Variants in TRIM5 observed in about 807,000 individuals in gnomAD.
The protein encoded by TRIM5 is tripartite motif containing 5.
In TRIM5, 31 loss-of-function variants were observed where a neutral mutation model predicts 35.6. The ratio of observed to expected loss-of-function variants is 0.87; its 90% CI spans 0.65 to 1.18. The LOEUF is 1.18. Ranked by LOEUF, TRIM5 falls within the 50% of genes most tolerant of loss-of-function variation. The pLI, the probability that TRIM5 is intolerant of heterozygous loss-of-function variation, is 0.00. For missense variants in TRIM5, 609 were observed against 591.6 expected (o/e 1.03, Z -0.31); for synonymous variants, 243 against 215.6 (o/e 1.13, Z -1.11).
chr11:5,598,434 A>T, the TRIM5 span, among the ~76,000 whole-genome samples: 3 of 152,232 alleles, frequency 2.0e-5, no homozygotes, highest in South Asian at 4.1e-4. Flanking sequence ...CATATTAGAT[A>T]GGAAAAAGAC....
At chr11:5,617,712 A>T in the TRIM5 span, among the ~76,000 whole-genome samples, 2,941 of 114,564 alleles carry the variant, frequency 0.026, 209 homozygotes, top group East Asian at 0.059. Context: ...CTGGTCTCAA[A>T]CTCCTGACCT....
the TRIM5 span, chr11:5,634,964 A>AGTGCCGCCTTGTC: frequency 7.8e-7 from 1 of 1,276,432 alleles, no homozygotes; most frequent in South Asian, 1.5e-5. Flanking sequence ...TTGGCCTTGC[A>AGTGCCGCCTTGTC]GTGCCGCCTT....
chr11:5,632,693 G>A, the TRIM5 span: 28 of 1,612,090 alleles, frequency 1.7e-5, no homozygotes, highest in Admixed American at 1.2e-4. Context: ...CTTTGTGAGC[G>A]GTCTCAGGAG....
the TRIM5 span, among the ~76,000 whole-genome samples, chr11:5,599,518 C>T: frequency 6.6e-6 from 1 of 152,116 alleles, no homozygotes; most frequent in Non-Finnish European, 1.5e-5. Flanking sequence ...ATTCTCCTGC[C>T]TCAGCCTCCC....
chr11:5,655,153 A>G, the TRIM5 span, among the ~76,000 whole-genome samples: 20,852 of 151,114 alleles, frequency 0.14, 1,943 homozygotes, highest in East Asian at 0.43. Context: ...AGATCACGCC[A>G]TTGCACTCCA....
chr11:5,672,176 T>C (rs1227041621), intron 4 of TRIM5, among the ~76,000 whole-genome samples: 3 of 152,144 alleles, frequency 2.0e-5, no homozygotes. Flanking sequence ...CTGAGAGAAT[T>C]TGTTGCTGGA....
the TRIM5 span, chr11:5,604,800 A>G: frequency 3.3e-6 from 2 of 611,580 alleles, no homozygotes; most frequent in Non-Finnish European, 5.4e-6. Flanking sequence ...GAGAGGAGGT[A>G]AATAGCAAAT....
chr11:5,589,030 C>T, the TRIM5 span: 1 of 152,210 alleles, frequency 6.6e-6, no homozygotes, highest in South Asian at 2.1e-4. Flanking sequence ...AGATGATCCG[C>T]CCGCCTCGGC....
chr11:5,655,789 G>A, the TRIM5 span: 2 of 679,028 alleles, frequency 2.9e-6, no homozygotes, highest in Admixed American at 6.3e-5. Flanking sequence ...AATTAATTGT[G>A]TAAAAATGAG....
chr11:5,604,100 G>A, the TRIM5 span, among the ~76,000 whole-genome samples: 56,597 of 151,908 alleles, frequency 0.37, 10,725 homozygotes, highest in Middle Eastern at 0.55. Context: ...GGTTCAAGCA[G>A]TTCTCGTGCC....
the TRIM5 span, among the ~76,000 whole-genome samples, chr11:5,656,407 G>A: frequency 3.4e-5 from 5 of 149,246 alleles, no homozygotes; most frequent in South Asian, 2.1e-4. Context: ...ACACCAGAGT[G>A]CAGTGGTGTG....
the TRIM5 span, chr11:5,589,262 A>T: frequency 6.6e-6 from 1 of 152,022 alleles, no homozygotes; most frequent in East Asian, 1.9e-4. Context: ...AAATAAAAAA[A>T]TGCTTACTCA....
chr11:5,624,666 C>T, the TRIM5 span, among the ~76,000 whole-genome samples: 2 of 152,168 alleles, frequency 1.3e-5, no homozygotes, highest in South Asian at 2.1e-4. Context: ...CTGTCCCATA[C>T]ATTGTAGAAT....
the TRIM5 span, chr11:5,642,405 GGAGT>G: frequency 1.2e-6 from 2 of 1,612,360 alleles, no homozygotes; most frequent in Non-Finnish European, 1.7e-6. Flanking sequence ...TTCATCCCTA[GGAGT>G]GAGATCTGGA....
rs1020048911 is a variant in TRIM5 at position 5,678,502 on chromosome 11, G to A, written c.514-68C>T. ...GCAGAGGCTGTTAGCCAGAAAAGGA[G>A]CTGTTTCTTTTGGGGAGTTCTCACA... On this transcript the variant is annotated intron_variant, in intron 3 of 7. Coordinates refer to ENST00000380034, the MANE Select transcript of TRIM5 (RefSeq NM_033034.3). 1.7e-5 allele frequency: 23 copies of A among 1,342,242 alleles called. No individual in the cohort carries two copies. The Admixed American group carries it at 4.8e-4, about 28-fold the overall frequency. 83.1% of individuals were successfully genotyped at this position (1,342,242 alleles called of 1,614,324 possible).
At chr11:5,637,124 G>A in the TRIM5 span, among the ~76,000 whole-genome samples, 5 of 152,092 alleles carry the variant, frequency 3.3e-5, no homozygotes, top group African/African-American at 1.2e-4. Context: ...AGTGAGCCAA[G>A]ATGGCGCCAC....
intron 4 of TRIM5, among the ~76,000 whole-genome samples, chr11:5,670,231 G>A (rs1851475923): frequency 7.7e-6 from 1 of 129,600 alleles, no homozygotes; most frequent in Admixed American, 8.9e-5. Flanking sequence ...AGGCTGGAGT[G>A]CAGTGGTGCG....
chr11:5,597,996 A>C, the TRIM5 span, among the ~76,000 whole-genome samples: 17 of 152,338 alleles, frequency 1.1e-4, no homozygotes, highest in Admixed American at 4.6e-4. Flanking sequence ...AAGTGCTTGC[A>C]GTGTTGCTAG....
At chr11:5,673,025 G>T (rs993741085) in intron 4 of TRIM5, among the ~76,000 whole-genome samples, 1 of 152,052 alleles carries the variant, frequency 6.6e-6, no homozygotes, top group African/African-American at 2.4e-5. Context: ...CATCAAAAAA[G>T]ACAGGAGAAA....
Sources: allele counts gnomAD v4.1 joint callset (sites outside exome capture counted in the v4.1 genomes callset), GRCh38; gene constraint gnomAD v4.1.1; transcripts MANE v1.5; gene names NCBI Gene and HGNC (gene_info 2026-07-23, HGNC 2026-07-21).